Variants in PRELID2 observed in about 807,000 individuals in gnomAD.
PRELID2 encodes PRELI domain-containing protein 2.
A neutral mutation model predicts 28.4 loss-of-function variants in PRELID2; 25 were observed. The observed-to-expected ratio is 0.88, with a 90% CI of 0.64 to 1.23. PRELID2 has a LOEUF of 1.23. Among genes scored for constraint, PRELID2 ranks in the 50% most tolerant of loss-of-function variants. PRELID2 has a pLI of 0.00. For synonymous variants in PRELID2, 76 were observed against 71.6 expected (o/e 1.06, Z -0.31); for missense variants, 201 against 214.4 (o/e 0.94, Z 0.39).
chr5:145,579,050 A>C (rs1344911980), intron 1 of PRELID2, among the ~76,000 whole-genome samples: 1 of 151,992 alleles, frequency 6.6e-6, no homozygotes, highest in Non-Finnish European at 1.5e-5. Flanking sequence ...TGAGTGATGC[A>C]TTTAATAACT....
chr5:145,436,393 A>G, the PRELID2 span, among the ~76,000 whole-genome samples: 1 of 152,138 alleles, frequency 6.6e-6, no homozygotes, highest in Admixed American at 6.6e-5. Flanking sequence ...TGTGATGAAC[A>G]TATGCATGCA....
At chr5:145,668,059 G>GTGGACA (rs1754630547) in intron 1 of PRELID2, among the ~76,000 whole-genome samples, 2 of 152,022 alleles carry the variant, frequency 1.3e-5, no homozygotes, top group Admixed American at 1.3e-4. Context: ...AGTTGTCAGT[G>GTGGACA]GTCCAAAAGT....
chr5:145,745,565 TA>T (rs1239563798), intron 1 of PRELID2, among the ~76,000 whole-genome samples: 2 of 152,066 alleles, frequency 1.3e-5, no homozygotes, highest in African/African-American at 4.8e-5. Context: ...TCAACATTCC[TA>T]AAGAAAAGAA....
intron 1 of PRELID2, among the ~76,000 whole-genome samples, chr5:145,583,411 A>C (rs1405118814): frequency 6.6e-6 from 1 of 152,134 alleles, no homozygotes; most frequent in Non-Finnish European, 1.5e-5. Context: ...CACCATTCCT[A>C]TTCAACATAG....
chr5:145,255,071 T>C, the PRELID2 span, among the ~76,000 whole-genome samples: 1 of 152,232 alleles, frequency 6.6e-6, no homozygotes, highest in Non-Finnish European at 1.5e-5. Context: ...ACTAACAGTT[T>C]GATAAAAGAA....
At chr5:145,359,773 T>G in the PRELID2 span, among the ~76,000 whole-genome samples, 10 of 152,190 alleles carry the variant, frequency 6.6e-5, no homozygotes, top group Non-Finnish European at 1.3e-4. Flanking sequence ...TTCATCCTTT[T>G]GCAATGAGAT....
At chr5:145,610,210 G>T (rs1753593139) in intron 1 of PRELID2, among the ~76,000 whole-genome samples, 1 of 152,166 alleles carries the variant, frequency 6.6e-6, no homozygotes, top group African/African-American at 2.4e-5. Context: ...ACATTGAAGA[G>T]GTTCTACTGA....
chr5:145,489,900 T>C (rs1429222615), intron 1 of PRELID2, among the ~76,000 whole-genome samples: 1 of 152,214 alleles, frequency 6.6e-6, no homozygotes, highest in Non-Finnish European at 1.5e-5. Context: ...TAAAAGATTA[T>C]ATTTCCACCA....
At chr5:145,447,549 C>A in the PRELID2 span, among the ~76,000 whole-genome samples, 1 of 136,436 alleles carries the variant, frequency 7.3e-6, no homozygotes, top group Non-Finnish European at 1.6e-5. Flanking sequence ...TATACATGTG[C>A]CATGCTGGTG....
chr5:145,809,067 C>T (rs540795338), intron 4 of PRELID2, among the ~76,000 whole-genome samples: 55 of 117,046 alleles, frequency 4.7e-4, no homozygotes, highest in Admixed American at 4.0e-3. Context: ...GAGACATGGT[C>T]TCTGTCACCC....
At chr5:145,423,496 T>A in the PRELID2 span, among the ~76,000 whole-genome samples, 1 of 151,928 alleles carries the variant, frequency 6.6e-6, no homozygotes, top group African/African-American at 2.4e-5. Flanking sequence ...TCATCTTCCA[T>A]CACTGATACC....
chr5:145,229,601 G>T, the PRELID2 span: 1 of 1,251,924 alleles, frequency 8.0e-7, no homozygotes, highest in Non-Finnish European at 1.2e-6. Context: ...AGGCAAGCAC[G>T]GTGTGGGCTT....
chr5:145,417,777 C>T, the PRELID2 span, among the ~76,000 whole-genome samples: 11 of 152,162 alleles, frequency 7.2e-5, no homozygotes, highest in African/African-American at 2.6e-4. Flanking sequence ...ACGATAAATC[C>T]ACAGCCATTA....
chr5:145,604,750 T>G (rs922707698), intron 1 of PRELID2, among the ~76,000 whole-genome samples: 2 of 98,060 alleles, frequency 2.0e-5, no homozygotes, highest in African/African-American at 7.5e-5. Flanking sequence ...TTTTTTTGGT[T>G]TTTTTTTTTT....
the PRELID2 span, among the ~76,000 whole-genome samples, chr5:145,286,698 TTTTGTTTTTTTTTGTTTGTTTG>T: frequency 8.3e-6 from 1 of 120,854 alleles, no homozygotes. Flanking sequence ...ACATAGAAGT[TTTTGTTTTTTTTTGTTTGTTTG>T]TTTGTTTTTT....
intron 1 of PRELID2, among the ~76,000 whole-genome samples, chr5:145,548,905 T>A (rs994510132): frequency 6.6e-6 from 1 of 152,192 alleles, no homozygotes; most frequent in Non-Finnish European, 1.5e-5. Flanking sequence ...CCAATCAAAT[T>A]TATTCCACAT....
intron 4 of PRELID2, among the ~76,000 whole-genome samples, chr5:145,817,692 G>A (rs1043400690): frequency 3.3e-5 from 5 of 151,962 alleles, no homozygotes; most frequent in African/African-American, 7.2e-5. Context: ...GGGGGAGATG[G>A]TGAGACAGAA....
chr5:145,245,657 A>G, the PRELID2 span, among the ~76,000 whole-genome samples: 1 of 152,118 alleles, frequency 6.6e-6, no homozygotes, highest in Non-Finnish European at 1.5e-5. Context: ...TGACTGCAGA[A>G]GGCAGGAAAA....
At chr5:145,591,295 C>CAA (rs879536286) in intron 1 of PRELID2, among the ~76,000 whole-genome samples, 10 of 94,554 alleles carry the variant, frequency 1.1e-4, no homozygotes, top group Non-Finnish European at 1.1e-4. Flanking sequence ...GACTGTGTCT[C>CAA]AAAAAAAAAA....
Sources: gnomAD v4.1 joint callset for allele counts (sites outside exome capture counted in the v4.1 genomes callset) on GRCh38, gnomAD v4.1.1 for gene constraint, MANE v1.5 for transcripts, NCBI Gene and HGNC (gene_info 2026-07-23, HGNC 2026-07-21) for gene names.